PDCD2L: variants seen among roughly 807,000 people sequenced by gnomAD.
PDCD2L encodes the protein programmed cell death 2 like, also known as uS5 assembly chaperone PDCD2L.
In PDCD2L, 44 loss-of-function variants were observed where a neutral mutation model predicts 40.4. The observed-to-expected ratio is 1.09, with a 90% CI of 0.86 to 1.40. The LOEUF is 1.40. Ranked by LOEUF, PDCD2L falls within the 40% of genes most tolerant of loss-of-function variation. The pLI, the probability that PDCD2L is intolerant of heterozygous loss-of-function variation, is 0.00. For missense variants in PDCD2L, 470 were observed against 453.7 expected, an observed-to-expected ratio of 1.04 and a Z score of -0.33; for synonymous variants, 194 against 174.6, an observed-to-expected ratio of 1.11 and a Z score of -0.88.
chr19:34,409,354 C>T lies in PDCD2L; in HGVS notation c.530C>T (p.Pro177Leu), dbSNP rs749727958. ...GATGCTGTCCTGGGTGCTGCCCATC[C>T]TGTGCCTCCTGGGCTGCCGCTCTTC... Reference protein sequence around the residue: ...LQDAVLGAAHPVPPGLPLFLP... With the variant: ...LQDAVLGAAHLVPPGLPLFLP... The change falls in exon 4 of 7, where the codon CCT (proline) becomes CTT (leucine). Residue 177 changes from proline to leucine, a missense_variant. Transcript: ENST00000246535. 2 of 1,614,070 alleles carry T rather than the reference C, an allele frequency of 1.2e-6. No homozygotes were observed. The highest frequency in any genetic ancestry group is 1.7e-6 in the Non-Finnish European group (2 of 1,180,046).
At chr19:34,421,055 C>T (rs1385074544) in intron 5 of PDCD2L, among the ~76,000 whole-genome samples, 3 of 152,232 alleles carry the variant, frequency 2.0e-5, no homozygotes, top group Non-Finnish European at 2.9e-5. Context: ...TCTAATGCTG[C>T]TGATACGACG....
Position 34,404,925 on chromosome 19 carries a change from C to G in PDCD2L, c.276-5C>G. 6.2e-7 allele frequency: 1 copy of G among 1,614,012 alleles called. No individual in the cohort carries two copies. Among genetic ancestry groups the G allele is most frequent in the South Asian group, 1.1e-5 (1 of 91,078 alleles). On this transcript the variant is annotated splice_region_variant and splice_polypyrimidine_tract_variant and intron_variant, in intron 2 of 6. Transcript: ENST00000246535. ...CCCTCACGGCCCTTTGTCTTCACCCCGAAGCTGGAAGGTGTTCCGCTCCCA... is the reference window on the plus strand; with the variant it reads ...CCCTCACGGCCCTTTGTCTTCACCCGGAAGCTGGAAGGTGTTCCGCTCCCA...
intron 6 of PDCD2L, 97 bp from the exon 7 acceptor site, chr19:34,425,893 A>G: frequency 7.9e-7 from 1 of 1,264,614 alleles, no homozygotes; most frequent in Admixed American, 2.2e-5. Flanking sequence ...TGCTTTACCT[A>G]ATTACTTTTT....
At chr19:34,425,958 TGCTGGAAGCC>T in intron 6 of PDCD2L, 22 bp from the exon 7 acceptor site, 2 of 1,599,620 alleles carry the variant, frequency 1.3e-6, no homozygotes, top group Admixed American at 1.8e-5. Context: ...TAACTCTTTT[TGCTGGAAGCC>T]TGAATATGTG....
chr19:34,425,113 C>A (rs533298954), intron 6 of PDCD2L, among the ~76,000 whole-genome samples: 1 of 151,960 alleles, frequency 6.6e-6, no homozygotes, highest in Admixed American at 6.6e-5. Context: ...CCTACGTCAT[C>A]CTCTTGACTC....
chr19:34,419,134 G>A (rs2075137858), intron 5 of PDCD2L, among the ~76,000 whole-genome samples: 1 of 151,904 alleles, frequency 6.6e-6, no homozygotes, highest in African/African-American at 2.4e-5. Context: ...TGTAATCATT[G>A]GTATTGTTGG....
chr19:34,405,143 GT>G (rs74177144), intron 3 of PDCD2L, among the ~76,000 whole-genome samples, 153 bp downstream of exon 3: 187 of 111,078 alleles, frequency 1.7e-3, no homozygotes, highest in African/African-American at 3.7e-3. Context: ...TTTTCGTAAA[GT>G]TTTTTTTTTT....
In PDCD2L at chr19:34,407,361, G is replaced by T. The variant is rs146387770; in HGVS notation, c.337-1800G>T. Among the ~76,000 whole-genome samples the T allele has an allele frequency of 2.9e-3, 433 of 150,956 alleles. 3 individuals carry two copies. Among genetic ancestry groups the T allele is most frequent in the African/African-American group, 0.01 (419 of 41,094 alleles). Reference sequence around the variant, plus strand: ...TTCACCGTGTAGCCAGGATGGTGTCGATCTCTTTACCTCGTGATCCACCCG... The same window carrying T: ...TTCACCGTGTAGCCAGGATGGTGTCTATCTCTTTACCTCGTGATCCACCCG... On this transcript the variant is annotated intron_variant, in intron 3 of 6. Transcript: ENST00000246535.
At chr19:34,417,068 C>G (rs748566006) in intron 5 of PDCD2L, among the ~76,000 whole-genome samples, 2 of 151,692 alleles carry the variant, frequency 1.3e-5, no homozygotes, top group Non-Finnish European at 2.9e-5. Flanking sequence ...CAGCCGAGAT[C>G]GTGCCACTGC....
chr19:34,412,450 G>A (rs908054352), intron 4 of PDCD2L, among the ~76,000 whole-genome samples: 2 of 151,898 alleles, frequency 1.3e-5, no homozygotes, highest in African/African-American at 2.4e-5. Flanking sequence ...GGCTGAGTGC[G>A]GTGGCTCACT....
chr19:34,406,826 C>CTTT (rs35175132), intron 3 of PDCD2L, among the ~76,000 whole-genome samples: 105 of 102,222 alleles, frequency 1.0e-3, no homozygotes, highest in Non-Finnish European at 1.3e-3. Context: ...TTCTTTCTTC[C>CTTT]TTTTTTTTTT....
intron 1 of PDCD2L, 48 bp from the exon 2 acceptor site, chr19:34,404,601 G>T: frequency 6.3e-7 from 1 of 1,595,728 alleles, no homozygotes. Flanking sequence ...GGGAGTGGGC[G>T]AGGTCCTGGG....
rs200414433 is a variant in PDCD2L, at chr19:34,404,982, G to A, written c.328G>A (p.Asp110Asn). 3.3e-5 allele frequency: 53 copies of A among 1,614,154 alleles called. No homozygotes were observed. In the Middle Eastern group the frequency reaches 8.3e-4, roughly 25 times the overall value. ...GCAGGTGCCAGAGAGAGAGGCGCAGGACGCTCAGGTAAAGGTTGTGATTGG... is the reference window on the plus strand; with the variant it reads ...GCAGGTGCCAGAGAGAGAGGCGCAGAACGCTCAGGTAAAGGTTGTGATTGG... ...CLQVPEREAQ[D>N]AQKQGNSLAA... The change falls in exon 3 of 7, where the codon GAC becomes AAC. Residue 110 changes from aspartate (D) to asparagine (N), a missense_variant. Coordinates refer to ENST00000246535, the MANE Select transcript of PDCD2L (RefSeq NM_032346.2).
chr19:34,419,361 G>A (rs2075138954), intron 5 of PDCD2L, among the ~76,000 whole-genome samples: 1 of 151,956 alleles, frequency 6.6e-6, no homozygotes, highest in Non-Finnish European at 1.5e-5. Context: ...CGCTATGTTG[G>A]CCAGGCTGGT....
intron 4 of PDCD2L, among the ~76,000 whole-genome samples, chr19:34,411,982 AT>A (rs2075105816): frequency 6.8e-6 from 1 of 146,388 alleles, no homozygotes; most frequent in African/African-American, 2.5e-5. Flanking sequence ...ATATATATAT[AT>A]AAAATAAATA....
chr19:34,421,615 T>G lies in PDCD2L; in HGVS notation c.894T>G (p.Phe298Leu), dbSNP rs1297789773. ...GCCAGTGTGGAGGCCAAAGGATATT[T>G]GAGTTTCAGCTTATGCCAGCACTGG... ...ACSQCGGQRI[F>L]EFQLMPALVS... The change falls in exon 6 of 7, where the codon TTT (phenylalanine) becomes TTG (leucine). Residue 298 changes from phenylalanine (F) to leucine (L), a missense_variant. Coordinates refer to ENST00000246535, the MANE Select transcript of PDCD2L (RefSeq NM_032346.2). The G allele has an allele frequency of 6.2e-7, 1 of 1,614,026 alleles. No individual in the cohort carries two copies. The highest frequency in any genetic ancestry group is 8.5e-7 in the Non-Finnish European group (1 of 1,180,028).
rs762482993 is a variant in PDCD2L, at chr19:34,409,176, C to T, written c.352C>T (p.Leu118Phe). Residue 118 changes from leucine (L) to phenylalanine (F), a missense_variant, in exon 4 of 7, where the codon CTT becomes TTT. Transcript: ENST00000246535. ...ATTTTTCCAGAAACAGGGAAACAGC[C>T]TTGCAGCTGAGGACTGGTGTGAAGG... is the stretch of plus-strand genomic sequence containing the variant. ...AQDAQKQGNS[L>F]AAEDWCEGAD... The T allele has an allele frequency of 1.2e-6, 2 of 1,610,368 alleles. No individual in the cohort carries two copies. Among genetic ancestry groups the T allele is most frequent in the East Asian group, 2.2e-5 (1 of 44,768 alleles).
intron 5 of PDCD2L, among the ~76,000 whole-genome samples, chr19:34,420,645 A>T (rs2075146260): frequency 6.6e-6 from 1 of 151,678 alleles, no homozygotes; most frequent in African/African-American, 2.4e-5. Context: ...TTTAAAAACT[A>T]GCTGGGTATG....
intron 5 of PDCD2L, among the ~76,000 whole-genome samples, chr19:34,420,957 A>G (rs1165105533): frequency 3.3e-5 from 5 of 152,146 alleles, no homozygotes; most frequent in African/African-American, 9.7e-5. Flanking sequence ...TTCACCTCAG[A>G]TCATAAGGCT....
Sources: allele counts gnomAD v4.1 joint callset (sites outside exome capture counted in the v4.1 genomes callset), GRCh38; gene constraint gnomAD v4.1.1; transcripts MANE v1.5; gene names NCBI Gene and HGNC (gene_info 2026-07-23, HGNC 2026-07-21).